The following KCNAB2 variants were observed in gnomAD, a reference collection of about 807,000 sequenced individuals.
KCNAB2 encodes the protein potassium voltage-gated channel subfamily A regulatory beta subunit 2.
A neutral mutation model predicts 63.6 loss-of-function variants in KCNAB2; 29 were observed. That is an observed-to-expected ratio of 0.46 (90% confidence interval 0.34 to 0.62). The LOEUF is 0.62. KCNAB2 is among the 20% of genes least tolerant of loss of function. The probability of loss-of-function intolerance (pLI) is 0.01; values close to 1 mark genes in which losing one functional copy is unlikely to be tolerated. For synonymous variants in KCNAB2, 222 were observed against 224.2 expected, an observed-to-expected ratio of 0.99 and a Z score of 0.09; for missense variants, 359 against 563.9, an observed-to-expected ratio of 0.64 and a Z score of 3.68.
At chr1:6,083,152 C>A (rs1664355537) in intron 5 of KCNAB2, among the ~76,000 whole-genome samples, 1 of 152,182 alleles carries the variant, frequency 6.6e-6, no homozygotes. Flanking sequence ...ATGGCACAGC[C>A]CCCTCCCACT....
chr1:6,016,759 G>A (rs1295109), intron 1 of KCNAB2, among the ~76,000 whole-genome samples: 147,995 of 152,304 alleles, frequency 0.97, 71,942 homozygotes, highest in East Asian at 1. Flanking sequence ...CTTCTGCGTG[G>A]GCCCCAGACA....
chr1:6,019,696 C>A (rs1439247575), intron 1 of KCNAB2, among the ~76,000 whole-genome samples: 2 of 152,198 alleles, frequency 1.3e-5, no homozygotes, highest in African/African-American at 4.8e-5. Flanking sequence ...TGGCGAGGGT[C>A]CAGTGTCACA....
intron 1 of KCNAB2, among the ~76,000 whole-genome samples, chr1:6,017,392 A>G (rs1338917612): frequency 6.8e-6 from 1 of 147,812 alleles, no homozygotes; most frequent in African/African-American, 2.5e-5. Flanking sequence ...ACAGGTGCAC[A>G]TCACCATACC....
intron 1 of KCNAB2, among the ~76,000 whole-genome samples, chr1:6,020,261 G>A (rs535302936): frequency 6.6e-6 from 1 of 152,166 alleles, no homozygotes; most frequent in Non-Finnish European, 1.5e-5. Context: ...GCTATAAGGA[G>A]AACCACTGTG....
Position 6,028,716 on chromosome 1 carries a change from G to A in KCNAB2, c.-52-11801G>A, listed in dbSNP as rs767926739. On this transcript the variant is annotated intron_variant, in intron 1 of 16. Transcript: ENST00000341524. This position sits in a 1 kb window ranked among gnomAD's most constrained non-coding sequence, Gnocchi z 4.0. ...AGGTGAATCTGGGGGAGAGTCCATC[G>A]TTGGTGTTGCTCCACTGACCTCCAG... is the stretch of plus-strand genomic sequence containing the variant. Among the ~76,000 whole-genome samples the A allele has an allele frequency of 6.6e-5, 10 of 152,334 alleles. No homozygotes were observed. The highest frequency in any genetic ancestry group is 1.9e-4 in the East Asian group (1 of 5,182).
chr1:6,058,064 A>G (rs556387516), intron 2 of KCNAB2, among the ~76,000 whole-genome samples: 5 of 152,264 alleles, frequency 3.3e-5, no homozygotes, highest in African/African-American at 9.6e-5. Flanking sequence ...AGTGAGGATC[A>G]CTGAGCCCAG....
intron 1 of KCNAB2, among the ~76,000 whole-genome samples, chr1:6,037,109 C>T (rs1660101710): frequency 1.3e-5 from 2 of 152,240 alleles, no homozygotes; most frequent in African/African-American, 4.8e-5. Context: ...GTCTTCAAAG[C>T]ATGGTCCCTG....
intron 4 of KCNAB2, among the ~76,000 whole-genome samples, chr1:6,079,314 G>A (rs1451048820): frequency 6.6e-6 from 1 of 152,204 alleles, no homozygotes; most frequent in Non-Finnish European, 1.5e-5. Flanking sequence ...GAGGTCAGGA[G>A]TTCGAGACCA....
At chr1:6,047,607 G>T (rs1256707922) in intron 1 of KCNAB2, among the ~76,000 whole-genome samples, 1 of 152,186 alleles carries the variant, frequency 6.6e-6, no homozygotes, top group Non-Finnish European at 1.5e-5. Context: ...GCCTGGCACT[G>T]CCAGGAAATG....
chr1:6,098,068 G>A (rs886947092), intron 15 of KCNAB2: 2 of 733,482 alleles, frequency 2.7e-6, no homozygotes, highest in Non-Finnish European at 1.7e-6. Context: ...CTGACAAACT[G>A]GATGTGGGGG....
chr1:6,052,862 C>T (rs189248806), intron 2 of KCNAB2, among the ~76,000 whole-genome samples: 1 of 152,186 alleles, frequency 6.6e-6, no homozygotes, highest in Non-Finnish European at 1.5e-5. Context: ...AAAAGTTCCT[C>T]ATTGTTTATC....
chr1:6,049,577 G>A (rs1021933572), intron 1 of KCNAB2, among the ~76,000 whole-genome samples: 1 of 152,232 alleles, frequency 6.6e-6, no homozygotes, highest in African/African-American at 2.4e-5. Context: ...CCCCAAGGAC[G>A]ACTGGTTGCT....
chr1:6,033,031 G>GA (rs2100403279), upstream of KCNAB2, among the ~76,000 whole-genome samples: 1 of 152,332 alleles, frequency 6.6e-6, no homozygotes, highest in African/African-American at 2.4e-5. Context: ...GAATAATTGG[G>GA]AACACCTAAT....
At chr1:6,009,174 C>T (rs1360343762) in intron 1 of KCNAB2, among the ~76,000 whole-genome samples, 1 of 152,194 alleles carries the variant, frequency 6.6e-6, no homozygotes, top group African/African-American at 2.4e-5. Context: ...TCCAAGTCCC[C>T]CTGGCCACCC....
intron 2 of KCNAB2, among the ~76,000 whole-genome samples, chr1:6,055,831 C>A (rs1245573181): frequency 6.6e-6 from 1 of 152,182 alleles, no homozygotes; most frequent in South Asian, 2.1e-4. Context: ...TATTAAAGAT[C>A]CCAGATAAAT....
Position 6,073,306 on chromosome 1 carries a change from C to T in KCNAB2, c.263-427C>T, listed in dbSNP as rs1165732743. On this transcript the variant is annotated intron_variant, in intron 3 of 15. Coordinates refer to ENST00000378083, the MANE Select transcript of KCNAB2 (RefSeq NM_001199862.2). This position sits in a 1 kb window ranked among gnomAD's most constrained non-coding sequence, Gnocchi z 5.7. ...CCACTGCAGTACACACACCCCGCCC[C>T]CCACCAGCACCCACTGCCCTGACAC... 1.3e-5 allele frequency among the ~76,000 whole-genome samples: 2 copies of T among 151,898 alleles called. No individual in the cohort carries two copies. Among genetic ancestry groups the T allele is most frequent in the Non-Finnish European group, 2.9e-5 (2 of 67,988 alleles).
Position 6,100,138 on chromosome 1 carries a change from G to A in KCNAB2, c.*1564G>A, listed in dbSNP as rs546280933. The A allele has an allele frequency of 2.8e-6, 4 of 1,415,334 alleles. No homozygotes were observed. In the African/African-American group the frequency reaches 5.8e-5, roughly 20 times the overall value. The allele number at this position is 1,415,334 out of a possible 1,614,324, so 87.7% of individuals were successfully genotyped here. On this transcript the variant is annotated 3_prime_UTR_variant, in exon 16 of 16. Coordinates refer to ENST00000378083, the MANE Select transcript of KCNAB2 (RefSeq NM_001199862.2). ...GAAGGCTCCACCCTGCCGTCCTGCG[G>A]GAGCCTGCTGTCCAGTCCTGGCCGG...
At chr1:6,047,467 C>G (rs1450888985) in intron 1 of KCNAB2, among the ~76,000 whole-genome samples, 1 of 152,176 alleles carries the variant, frequency 6.6e-6, no homozygotes, top group Non-Finnish European at 1.5e-5. Flanking sequence ...GAGTCATGAG[C>G]CTTCAGGACC....
chr1:6,010,749 G>T (rs1348957573), intron 1 of KCNAB2, among the ~76,000 whole-genome samples: 1 of 152,246 alleles, frequency 6.6e-6, no homozygotes, highest in Non-Finnish European at 1.5e-5. Flanking sequence ...TGATGGGCAG[G>T]CTGGATGGGC....
Sources: allele counts gnomAD v4.1 joint callset (sites outside exome capture counted in the v4.1 genomes callset), GRCh38; gene constraint gnomAD v4.1.1; non-coding constraint Gnocchi (gnomAD v3.1); transcripts MANE v1.5; gene names NCBI Gene and HGNC (gene_info 2026-07-23, HGNC 2026-07-21).